Variants in GLIS3 observed in about 807,000 individuals in gnomAD.
The protein encoded by GLIS3 is zinc finger protein GLIS3.
A neutral mutation model predicts 78.6 loss-of-function variants in GLIS3; 53 were observed. The observed-to-expected ratio is 0.67, with a 90% confidence interval of 0.54 to 0.85. GLIS3 has a LOEUF of 0.85. Among genes scored for constraint, GLIS3 ranks in the 40% least tolerant of loss-of-function variants. The pLI is 0.00. For missense variants in GLIS3, 1,703 were observed against 1,231.1 expected, an observed-to-expected ratio of 1.38 and a Z score of -5.74; for synonymous variants, 684 against 509.9, an observed-to-expected ratio of 1.34 and a Z score of -4.60.
chr9:4,439,596 T>G, the GLIS3 span, among the ~76,000 whole-genome samples: 6 of 152,232 alleles, frequency 3.9e-5, no homozygotes, highest in Non-Finnish European at 7.3e-5. Context: ...CCCCAGTTTC[T>G]GGTAAACACC....
At chr9:3,900,071 A>C (rs1294819406) in intron 6 of GLIS3, among the ~76,000 whole-genome samples, 1 of 152,054 alleles carries the variant, frequency 6.6e-6, no homozygotes. Flanking sequence ...AGAGTCAAGC[A>C]GGGTGAGCCT....
chr9:4,401,911 A>G, the GLIS3 span, among the ~76,000 whole-genome samples: 3 of 152,186 alleles, frequency 2.0e-5, no homozygotes, highest in African/African-American at 7.2e-5. Flanking sequence ...GCCTATGGAA[A>G]GCAGAGGCAA....
chr9:4,456,431 G>C, the GLIS3 span, among the ~76,000 whole-genome samples: 1 of 152,190 alleles, frequency 6.6e-6, no homozygotes, highest in Non-Finnish European at 1.5e-5. Flanking sequence ...ATTTGGCTTA[G>C]GGAGGTGTTG....
At chr9:4,121,025 G>C (rs60751898) in intron 3 of GLIS3, among the ~76,000 whole-genome samples, 4,331 of 152,246 alleles carry the variant, frequency 0.028, 222 homozygotes, top group African/African-American at 0.099. Flanking sequence ...TTGGGCATCT[G>C]AGTTTTCTAA....
chr9:4,292,953 C>G (rs138861958), intron 1 of GLIS3, among the ~76,000 whole-genome samples: 12 of 152,196 alleles, frequency 7.9e-5, no homozygotes, highest in Non-Finnish European at 1.3e-4. Context: ...ATTACCTGAA[C>G]TGCAAACACT....
At chr9:3,849,623 G>A (rs1320601863) in intron 9 of GLIS3, among the ~76,000 whole-genome samples, 1 of 152,092 alleles carries the variant, frequency 6.6e-6, no homozygotes, top group Non-Finnish European at 1.5e-5. Context: ...TGTCATGAGA[G>A]AAGGCTAAGG....
chr9:3,932,393 T>C lies in GLIS3; in HGVS notation c.1950A>G (p.Ala650=), dbSNP rs1399836674. The C allele has an allele frequency of 1.7e-5, 28 of 1,613,772 alleles. No homozygotes were observed. Among genetic ancestry groups the C allele is most frequent in the Non-Finnish European group, 2.1e-5 (25 of 1,179,772 alleles). The change falls in exon 6 of 11, where the codon GCA becomes GCG. Residue 650 remains alanine, a synonymous_variant. Transcript: ENST00000381971. ...DPSSLRKHVK[A]HSSKEQQARK... ...TTGCTTGTTGCTCTTTGGAAGAATG[T>C]GCCTTCACATGCTTTCTTAGGGAAC... is the stretch of plus-strand genomic sequence containing the variant.
At chr9:4,225,953 G>A (rs1821733372) in intron 2 of GLIS3, among the ~76,000 whole-genome samples, 1 of 152,158 alleles carries the variant, frequency 6.6e-6, no homozygotes, top group Admixed American at 6.5e-5. Context: ...ACACTTATTA[G>A]CGCCACCTAC....
At chr9:4,216,966 A>G (rs1315938829) in intron 2 of GLIS3, among the ~76,000 whole-genome samples, 1 of 152,198 alleles carries the variant, frequency 6.6e-6, no homozygotes, top group African/African-American at 2.4e-5. Flanking sequence ...TAACAAGTGA[A>G]CATTCAAAGG....
chr9:4,413,561 T>A, the GLIS3 span, among the ~76,000 whole-genome samples: 6 of 152,126 alleles, frequency 3.9e-5, no homozygotes, highest in Admixed American at 3.9e-4. Context: ...ATATCCTGCT[T>A]GTGGGTAATC....
At chr9:3,828,452 T>C (rs763191836) in intron 10 of GLIS3, 44 bp from the exon 11 acceptor site, 2 of 1,609,608 alleles carry the variant, frequency 1.2e-6, no homozygotes, top group East Asian at 4.5e-5. Flanking sequence ...TCCTGCCCCA[T>C]GCCACGCCCA....
At chr9:4,157,699 G>C (rs894362642) in intron 2 of GLIS3, among the ~76,000 whole-genome samples, 1 of 152,088 alleles carries the variant, frequency 6.6e-6, no homozygotes, top group Non-Finnish European at 1.5e-5. Context: ...CTCCTTTAGT[G>C]CATGCATTAC....
intron 4 of GLIS3, among the ~76,000 whole-genome samples, chr9:3,955,201 C>T (rs772431660): frequency 6.6e-6 from 1 of 152,128 alleles, no homozygotes; most frequent in Non-Finnish European, 1.5e-5. Flanking sequence ...GAAGATGGCC[C>T]GCATGAGTCA....
At chr9:3,909,774 C>G (rs1824003821) in intron 6 of GLIS3, among the ~76,000 whole-genome samples, 1 of 152,098 alleles carries the variant, frequency 6.6e-6, no homozygotes. Flanking sequence ...GAACTAGGGT[C>G]CAAAAGCCTT....
At chr9:4,159,121 C>G (rs1204700334) in intron 2 of GLIS3, among the ~76,000 whole-genome samples, 1 of 151,478 alleles carries the variant, frequency 6.6e-6, no homozygotes, top group Non-Finnish European at 1.5e-5. Context: ...GCTCACCAGT[C>G]TCAACTTTAG....
the GLIS3 span, among the ~76,000 whole-genome samples, chr9:4,397,699 AGGGAGGAAGGCAGGG>A: frequency 4.7e-5 from 2 of 42,598 alleles, no homozygotes; most frequent in African/African-American, 2.3e-4. Context: ...GGAGGGAGGG[AGGGAGGAAGGCAGGG>A]AGGGAGGGAG....
At chr9:3,897,761 T>C (rs1822966955) in intron 7 of GLIS3, among the ~76,000 whole-genome samples, 1 of 152,234 alleles carries the variant, frequency 6.6e-6, no homozygotes, top group South Asian at 2.1e-4. Context: ...TACAAGGATG[T>C]CTTTCTCCCA....
chr9:4,388,352 T>C, the GLIS3 span, among the ~76,000 whole-genome samples: 11 of 152,178 alleles, frequency 7.2e-5, no homozygotes, highest in East Asian at 1.9e-3. Flanking sequence ...GAAATTTCCA[T>C]GGTTAGCTTT....
At chr9:4,207,220 A>C (rs1237490862) in intron 2 of GLIS3, among the ~76,000 whole-genome samples, 1 of 152,164 alleles carries the variant, frequency 6.6e-6, no homozygotes, top group East Asian at 1.9e-4. Flanking sequence ...CCACATGCTG[A>C]AGCTGCCCCC....
Sources: allele counts gnomAD v4.1 joint callset (sites outside exome capture counted in the v4.1 genomes callset), GRCh38; gene constraint gnomAD v4.1.1; transcripts MANE v1.5; gene names NCBI Gene and HGNC (gene_info 2026-07-23, HGNC 2026-07-21).